The following CEP112 variants were observed in gnomAD, a reference collection of about 807,000 sequenced individuals.
CEP112 encodes the protein centrosomal protein of 112 kDa.
Under a neutral mutation model 153.0 loss-of-function variants are expected in CEP112, and 127 were observed. The observed-to-expected ratio is 0.83, with a 90% CI of 0.72 to 0.96. The LOEUF (loss-of-function observed/expected upper bound fraction) is 0.96. Ranked by LOEUF, CEP112 falls within the 40% of genes least tolerant of loss-of-function variation. CEP112 has a pLI of 0.00. For synonymous variants in CEP112, 358 were observed against 374.4 expected (o/e 0.96, Z 0.51); for missense variants, 1,089 against 1,101.2 (o/e 0.99, Z 0.16).
At chr17:65,765,686 C>T (rs1057158326) in intron 21 of CEP112, among the ~76,000 whole-genome samples, 1 of 151,982 alleles carries the variant, frequency 6.6e-6, no homozygotes, top group East Asian at 1.9e-4. Context: ...ATGTTGCTGC[C>T]ACTGATTCCC....
chr17:65,949,861 G>A (rs1001989208), intron 18 of CEP112, among the ~76,000 whole-genome samples: 8 of 151,990 alleles, frequency 5.3e-5, no homozygotes, highest in Non-Finnish European at 7.4e-5. Flanking sequence ...TATTATCTCC[G>A]GGGCTTTCAA....
intron 21 of CEP112, among the ~76,000 whole-genome samples, chr17:65,783,771 G>A (rs577099806): frequency 6.6e-6 from 1 of 152,274 alleles, no homozygotes; most frequent in East Asian, 1.9e-4. Flanking sequence ...AGTTGGCTCT[G>A]TTGCTTTATA....
At chr17:66,084,369 T>C (rs1279923687) in intron 8 of CEP112, among the ~76,000 whole-genome samples, 4 of 152,314 alleles carry the variant, frequency 2.6e-5, no homozygotes, top group South Asian at 2.1e-4. Context: ...CCCATGTTTA[T>C]TGCAGCACTA....
intron 23 of CEP112, among the ~76,000 whole-genome samples, chr17:65,702,397 G>A (rs988608911): frequency 6.6e-6 from 1 of 152,052 alleles, no homozygotes; most frequent in Non-Finnish European, 1.5e-5. Context: ...CTTTCTTACT[G>A]TGCTCAATAT....
At chr17:65,959,369 T>C (rs528677156) in intron 18 of CEP112, among the ~76,000 whole-genome samples, 1 of 152,362 alleles carries the variant, frequency 6.6e-6, no homozygotes, top group Admixed American at 6.5e-5. Context: ...TATTGCTCAA[T>C]GAAGCTCCTC....
intron 6 of CEP112, among the ~76,000 whole-genome samples, chr17:66,106,747 C>T (rs1477258687): frequency 6.6e-6 from 1 of 152,038 alleles, no homozygotes; most frequent in Non-Finnish European, 1.5e-5. Flanking sequence ...CCTACTCAAA[C>T]TATTCCAAAA....
intron 19 of CEP112, among the ~76,000 whole-genome samples, chr17:65,917,130 G>A (rs1022105947): frequency 2.0e-5 from 3 of 152,136 alleles, no homozygotes; most frequent in Admixed American, 6.5e-5. Flanking sequence ...GTGACTTGTG[G>A]TGTAGCTGCA....
At chr17:66,189,741 A>T (rs2073091386) in intron 1 of CEP112, among the ~76,000 whole-genome samples, 1 of 152,176 alleles carries the variant, frequency 6.6e-6, no homozygotes, top group Non-Finnish European at 1.5e-5. Flanking sequence ...TACAAATTAC[A>T]TCTTATTGGC....
In CEP112 at chr17:66,022,711, G is replaced by GA. The variant is rs1555771642; in HGVS notation, c.1656+4789dup. 9.4e-5 allele frequency among the ~76,000 whole-genome samples: 12 copies of GA among 127,066 alleles called. 1 individual carries two copies. The highest frequency in any genetic ancestry group is 2.4e-4 in the African/African-American group (8 of 33,016). The allele number at this position is 127,066 out of a possible 152,430, so 83.4% of individuals were successfully genotyped here. A position where few individuals can be genotyped will look rare whatever the true frequency, so the allele number is the denominator to read the frequency against. On this transcript the variant is annotated intron_variant, in intron 16 of 26. Coordinates refer to ENST00000535342, the MANE Select transcript of CEP112 (RefSeq NM_001199165.4). ...ATGACAGAACGAGACTCCGCCTCAA[G>GA]AAAAAAAAAAAAAAAAAGAAATGCC... is the stretch of plus-strand genomic sequence containing the variant.
intron 21 of CEP112, among the ~76,000 whole-genome samples, chr17:65,824,885 A>G (rs539484387): frequency 1.3e-5 from 2 of 152,338 alleles, no homozygotes; most frequent in African/African-American, 4.8e-5. Flanking sequence ...GCCGATGGGA[A>G]TGTAAAATGA....
chr17:66,079,669 A>G (rs2067641957), intron 8 of CEP112, among the ~76,000 whole-genome samples: 1 of 152,208 alleles, frequency 6.6e-6, no homozygotes, highest in South Asian at 2.1e-4. Flanking sequence ...TTTAAATTTC[A>G]TATGCAACCA....
chr17:65,718,272 G>A (rs760704694), intron 23 of CEP112, among the ~76,000 whole-genome samples: 1 of 152,018 alleles, frequency 6.6e-6, no homozygotes, highest in Admixed American at 6.6e-5. Flanking sequence ...GCTGGGTGTG[G>A]TGGTGGGCGC....
At chr17:65,865,844 G>A (rs1394172537) in intron 20 of CEP112, among the ~76,000 whole-genome samples, 2 of 152,214 alleles carry the variant, frequency 1.3e-5, no homozygotes, top group Non-Finnish European at 2.9e-5. Flanking sequence ...CGCGTCACCT[G>A]ACAGTGGCGG....
chr17:65,655,423 C>G, intron 24 of CEP112: 3 of 1,384,452 alleles, frequency 2.2e-6, no homozygotes. Context: ...ATGAAGATAA[C>G]ATTTTGTCTT....
At chr17:65,771,230 A>G (rs1478946414) in intron 21 of CEP112, among the ~76,000 whole-genome samples, 1 of 152,180 alleles carries the variant, frequency 6.6e-6, no homozygotes, top group Non-Finnish European at 1.5e-5. Flanking sequence ...GAGTCAACAT[A>G]TGAATATCAA....
At chr17:65,774,947 C>T (rs147102319) in intron 21 of CEP112, among the ~76,000 whole-genome samples, 44 of 152,180 alleles carry the variant, frequency 2.9e-4, no homozygotes, top group Admixed American at 5.9e-4. Context: ...TTCCTCTTCA[C>T]GAAGGAGACA....
chr17:65,912,515 G>C (rs1324422705), intron 19 of CEP112, among the ~76,000 whole-genome samples: 1 of 152,096 alleles, frequency 6.6e-6, no homozygotes, highest in East Asian at 1.9e-4. Flanking sequence ...CCATGCACTG[G>C]CTTCTCTGGC....
At chr17:65,983,476 G>C (rs1413827068) in intron 17 of CEP112, among the ~76,000 whole-genome samples, 1 of 152,152 alleles carries the variant, frequency 6.6e-6, no homozygotes, top group Non-Finnish European at 1.5e-5. Context: ...CTAGTGGGAG[G>C]TGTTGGCTTA....
At chr17:66,104,110 C>T (rs1357294924) in intron 6 of CEP112, among the ~76,000 whole-genome samples, 1 of 152,158 alleles carries the variant, frequency 6.6e-6, no homozygotes, top group African/African-American at 2.4e-5. Flanking sequence ...AGCTCAAAGC[C>T]AGTGGGCTTG....
Sources: allele counts gnomAD v4.1 joint callset (sites outside exome capture counted in the v4.1 genomes callset), GRCh38; gene constraint gnomAD v4.1.1; transcripts MANE v1.5; gene names NCBI Gene and HGNC (gene_info 2026-07-23, HGNC 2026-07-21).